The following IQCE variants were observed in gnomAD, a reference collection of about 807,000 sequenced individuals.
IQCE encodes IQ motif containing E.
In IQCE, 115 loss-of-function variants were observed where a neutral mutation model predicts 96.0. The ratio of observed to expected loss-of-function variants is 1.20; its 90% CI spans 1.03 to 1.40. IQCE has a LOEUF of 1.40. IQCE is among the 40% of genes most tolerant of loss of function. The pLI, the probability that IQCE is intolerant of heterozygous loss-of-function variation, is 0.00. For missense variants in IQCE, 1,041 were observed against 909.1 expected (o/e 1.15, Z -1.87); for synonymous variants, 412 against 371.2 (o/e 1.11, Z -1.26).
intron 13 of IQCE, among the ~76,000 whole-genome samples, chr7:2,589,171 C>T (rs769202586): frequency 2.0e-5 from 3 of 151,962 alleles, no homozygotes; most frequent in Non-Finnish European, 2.9e-5. Context: ...AATTTGAAAC[C>T]AGCCTGGGCA....
At position 2,584,110 on chromosome 7, in the gene IQCE, A is replaced by G. The variant is rs1782912076; in HGVS notation, c.775-126A>G. On this transcript the variant is annotated intron_variant, in intron 10 of 21. Transcript: ENST00000402050. ...CTGCTTCAGCCCAACGGAAAGATGA[A>G]GTGCGGCCACTTAGTTCCCGCTTCT... The G allele has an allele frequency of 6.0e-6, 5 of 838,206 alleles. No individual in the cohort carries two copies. In the Admixed American group the frequency reaches 7.0e-5, roughly 12 times the overall value. 51.9% of individuals were successfully genotyped at this position (838,206 alleles called of 1,614,324 possible). A position where few individuals can be genotyped will look rare whatever the true frequency, so the allele number is the denominator to read the frequency against.
intron 11 of IQCE, chr7:2,584,735 G>T (rs1168852787): frequency 5.8e-6 from 1 of 171,034 alleles, no homozygotes; most frequent in Non-Finnish European, 1.3e-5. Context: ...CTGCTTCTGG[G>T]TGGCTGATCT....
At chr7:2,585,047 C>CT (rs1562648785) in intron 11 of IQCE, among the ~76,000 whole-genome samples, 2 of 106,118 alleles carry the variant, frequency 1.9e-5, no homozygotes, top group Admixed American at 1.0e-4. Flanking sequence ...CTGCTCATAA[C>CT]ATTTTTTTTT....
intron 3 of IQCE, among the ~76,000 whole-genome samples, chr7:2,569,824 A>C (rs904486981): frequency 6.6e-6 from 1 of 152,258 alleles, no homozygotes; most frequent in Non-Finnish European, 1.5e-5. Flanking sequence ...TACTAGCCCA[A>C]GGAAAACATA....
intron 17 of IQCE, chr7:2,598,879 G>T: frequency 2.6e-6 from 1 of 382,430 alleles, no homozygotes; most frequent in Admixed American, 4.4e-5. Context: ...CTATTCGAAA[G>T]TAAGTTTTAG....
At chr7:2,601,312 G>T in intron 17 of IQCE, 129 bp from the exon 18 acceptor site, 1 of 687,002 alleles carries the variant, frequency 1.5e-6, no homozygotes. Flanking sequence ...CAGCTCGGGA[G>T]GGAGGAGCCA....
rs765593168 is a variant in IQCE, at chr7:2,605,039, C to T, written c.1743+48C>T. On this transcript the variant is annotated intron_variant, in intron 19 of 21. Transcript: ENST00000402050. ...CCCAGTGGCCATCTGCAGAGCTGCT[C>T]GTCTCGCACTCCATCCATCGAGAAA... 63 of 1,313,302 alleles carry T rather than the reference C, an allele frequency of 4.8e-5. No individual in the cohort carries two copies. In the South Asian group the frequency reaches 4.9e-4, roughly 10 times the overall value. The allele number at this position is 1,313,302 out of a possible 1,614,324, so 81.4% of individuals were successfully genotyped here.
intron 16 of IQCE, 120 bp from the exon 17 acceptor site, chr7:2,598,345 T>A: frequency 1.0e-6 from 1 of 967,482 alleles, no homozygotes; most frequent in Non-Finnish European, 1.5e-6. Context: ...TCCTCCACAT[T>A]AGTGAGACTC....
In IQCE at chr7:2,610,439, G is replaced by A. The variant is rs1304940850; in HGVS notation, c.*277G>A. On this transcript the variant is annotated 3_prime_UTR_variant, in exon 22 of 22. Transcript: ENST00000402050. ...CAACAGACACATCTGCCGTGAACTC[G>A]CAGATGCCAGGGAGCCCTGTAGTGA... is the stretch of plus-strand genomic sequence containing the variant. 5 of 368,162 alleles carry A rather than the reference G, an allele frequency of 1.4e-5. No homozygotes were observed. Among genetic ancestry groups the A allele is most frequent in the East Asian group, 6.1e-5 (1 of 16,332 alleles). The allele number at this position is 368,162 out of a possible 1,614,324, so 22.8% of individuals were successfully genotyped here. A position where few individuals can be genotyped will look rare whatever the true frequency, so the allele number is the denominator to read the frequency against.
At chr7:2,594,676 C>T (rs957003267) in intron 15 of IQCE, among the ~76,000 whole-genome samples, 2 of 152,256 alleles carry the variant, frequency 1.3e-5, no homozygotes, top group African/African-American at 2.4e-5. Flanking sequence ...GAGCAGGAGA[C>T]AACAGGAAGT....
At chr7:2,561,804 C>A (rs1159673262) in intron 1 of IQCE, among the ~76,000 whole-genome samples, 1 of 152,196 alleles carries the variant, frequency 6.6e-6, no homozygotes, top group Non-Finnish European at 1.5e-5. Context: ...TTAGTAGATT[C>A]ATTAGGATTT....
chr7:2,600,967 C>T (rs1244100947), intron 17 of IQCE, among the ~76,000 whole-genome samples: 1 of 152,182 alleles, frequency 6.6e-6, no homozygotes, highest in African/African-American at 2.4e-5. Context: ...CAGGGTGGGG[C>T]CAGTGATCCA....
At chr7:2,606,547 C>A (rs981716513) in intron 20 of IQCE, among the ~76,000 whole-genome samples, 9 of 152,142 alleles carry the variant, frequency 5.9e-5, no homozygotes, top group African/African-American at 2.2e-4. Flanking sequence ...CCGTCACCCC[C>A]GTCTGCTTCA....
chr7:2,559,249 G>C, intron 1 of IQCE, 32 bp downstream of exon 1: 1 of 1,198,726 alleles, frequency 8.3e-7, no homozygotes, highest in East Asian at 3.4e-5. Context: ...ACGCCGGGCG[G>C]GCGTCCGCGA....
intron 1 of IQCE, among the ~76,000 whole-genome samples, chr7:2,562,281 G>A (rs576531159): frequency 6.2e-4 from 76 of 122,870 alleles, no homozygotes; most frequent in African/African-American, 2.7e-3. Context: ...TACCAATTAG[G>A]GTACATATAT....
chr7:2,568,816 A>G, intron 2 of IQCE, 138 bp from the exon 3 acceptor site: 1 of 734,678 alleles, frequency 1.4e-6, no homozygotes, highest in Non-Finnish European at 2.3e-6. Flanking sequence ...CTGTTCCTGG[A>G]CCCTCCTTAC....
chr7:2,563,621 A>G (rs1287847458), intron 1 of IQCE, among the ~76,000 whole-genome samples: 1 of 152,162 alleles, frequency 6.6e-6, no homozygotes, highest in Admixed American at 6.5e-5. Flanking sequence ...GGTACATCCC[A>G]TAAATTTTGA....
At chr7:2,568,641 C>T (rs187328573) in intron 2 of IQCE, among the ~76,000 whole-genome samples, 138 of 152,300 alleles carry the variant, frequency 9.1e-4, no homozygotes, top group African/African-American at 3.2e-3. Context: ...GCTGTGCGGG[C>T]GGTTTGGGTG....
rs1446474573 is a variant in IQCE, at chr7:2,578,523, T to C, written c.627T>C (p.Ser209=). ...TGGCAGAGAAAAGGCCCGATGCCAG[T>C]TGGGTGAGTATGGTGTGTGCAGGAC... ...RTLAEKRPDA[S]WVINGLKQRI... is the part of the protein sequence containing the mutation. Residue 209 remains serine, a synonymous_variant, in exon 8 of 22, where the codon AGT becomes AGC. Transcript: ENST00000402050. 1 of 1,614,094 alleles carries C rather than the reference T, an allele frequency of 6.2e-7. No individual in the cohort carries two copies. The highest frequency in any genetic ancestry group is 1.7e-5 in the Admixed American group (1 of 60,020).
Sources: gnomAD v4.1 joint callset for allele counts (sites outside exome capture counted in the v4.1 genomes callset) on GRCh38, gnomAD v4.1.1 for gene constraint, MANE v1.5 for transcripts, NCBI Gene and HGNC (gene_info 2026-07-23, HGNC 2026-07-21) for gene names.